Variants in COL4A2 observed in about 807,000 individuals in gnomAD.
The protein encoded by COL4A2 is collagen type IV alpha 2 chain.
COL4A2 carries 99 observed loss-of-function variants against 200.2 expected under a neutral mutation model. That is an observed-to-expected ratio of 0.49 (90% CI 0.42 to 0.58). The LOEUF is 0.58. Ranked by LOEUF, COL4A2 falls within the 20% of genes least tolerant of loss-of-function variation. COL4A2 has a pLI of 0.00. For synonymous variants in COL4A2, 897 were observed against 900.6 expected (o/e 1.00, Z 0.07); for missense variants, 1,950 against 2,314.1 (o/e 0.84, Z 3.23).
At chr13:110,411,429 A>T (rs568931539) in intron 4 of COL4A2, among the ~76,000 whole-genome samples, 9 of 152,332 alleles carry the variant, frequency 5.9e-5, no homozygotes, top group Admixed American at 1.3e-4. Flanking sequence ...ATTAGCCTGC[A>T]GCTCCAGGGG....
chr13:110,482,292 C>T (rs1020559405), intron 31 of COL4A2, among the ~76,000 whole-genome samples: 1 of 152,234 alleles, frequency 6.6e-6, no homozygotes, highest in Non-Finnish European at 1.5e-5. Context: ...TCCTTGTTGC[C>T]AATGTCCGGT....
chr13:110,413,061 G>A (rs921372615), intron 4 of COL4A2, among the ~76,000 whole-genome samples: 2 of 152,154 alleles, frequency 1.3e-5, no homozygotes, highest in Non-Finnish European at 2.9e-5. Flanking sequence ...GTGACTGAAG[G>A]AATTGAATGG....
At chr13:110,372,120 A>G (rs998343444) in intron 4 of COL4A2, among the ~76,000 whole-genome samples, 1 of 152,156 alleles carries the variant, frequency 6.6e-6, no homozygotes, top group Admixed American at 6.5e-5. Context: ...TGAAGCATGA[A>G]CAACTGGGTA....
chr13:110,422,923 G>T (rs574747644), intron 4 of COL4A2, among the ~76,000 whole-genome samples: 2 of 152,272 alleles, frequency 1.3e-5, no homozygotes, highest in East Asian at 3.9e-4. Context: ...CAACTGTGTG[G>T]ATTGCTGAGA....
chr13:110,421,845 G>T (rs1880263502), intron 4 of COL4A2, among the ~76,000 whole-genome samples: 1 of 152,230 alleles, frequency 6.6e-6, no homozygotes, highest in Non-Finnish European at 1.5e-5. Flanking sequence ...TACTGACAGT[G>T]AAAGGAAAAT....
chr13:110,507,931 A>G lies in COL4A2; in HGVS notation c.4595-4A>G, dbSNP rs1290466291. ...CTGTGATCTCATGACCCCTCCTTCCACAGGGCTGGCGGGCTCCTGCCTGGC... is the reference window on the plus strand; with the variant it reads ...CTGTGATCTCATGACCCCTCCTTCCGCAGGGCTGGCGGGCTCCTGCCTGGC... On this transcript the variant is annotated splice_polypyrimidine_tract_variant and splice_region_variant and intron_variant, in intron 46 of 47. Coordinates refer to ENST00000360467, the MANE Select transcript of COL4A2 (RefSeq NM_001846.4). The G allele has an allele frequency of 1.2e-6, 2 of 1,612,462 alleles. No individual in the cohort carries two copies. Among genetic ancestry groups the G allele is most frequent in the Middle Eastern group, 1.7e-4 (1 of 6,036 alleles).
rs1019020757 is a variant in COL4A2, at chr13:110,508,466, G to C, written c.4881+245G>C. 8.7e-5 allele frequency: 55 copies of C among 630,096 alleles called. No individual in the cohort carries two copies. The African/African-American group carries it at 9.5e-4, about 11-fold the overall frequency. 39.0% of individuals were successfully genotyped at this position (630,096 alleles called of 1,614,324 possible). A position where few individuals can be genotyped will look rare whatever the true frequency, so the allele number is the denominator to read the frequency against. On this transcript the variant is annotated intron_variant, in intron 47 of 47. Coordinates refer to ENST00000360467, the MANE Select transcript of COL4A2 (RefSeq NM_001846.4). This position sits in a 1 kb window ranked among gnomAD's most constrained non-coding sequence, Gnocchi z 6.1. ...TAATTTGCCACCAGGCCTTTGTAAGGAGTGTAACCAGGACGAACTTGCCTG... is the reference window on the plus strand; with the variant it reads ...TAATTTGCCACCAGGCCTTTGTAAGCAGTGTAACCAGGACGAACTTGCCTG...
At chr13:110,331,591 G>A (rs9588141) in intron 3 of COL4A2, among the ~76,000 whole-genome samples, 2 of 152,086 alleles carry the variant, frequency 1.3e-5, no homozygotes, top group Admixed American at 1.3e-4. Context: ...ACAGACCGCC[G>A]GCAGCTCTTG....
intron 29 of COL4A2, among the ~76,000 whole-genome samples, chr13:110,474,076 A>G (rs573949624): frequency 3.3e-5 from 5 of 152,242 alleles, no homozygotes; most frequent in Non-Finnish European, 2.9e-5. Flanking sequence ...GCAGTGAGCT[A>G]TGATCATTCC....
intron 13 of COL4A2, among the ~76,000 whole-genome samples, chr13:110,437,250 A>G (rs1880925132): frequency 6.6e-6 from 1 of 152,150 alleles, no homozygotes; most frequent in South Asian, 2.1e-4. Context: ...CGTTGACAAA[A>G]ATGTCCTGGG....
intron 40 of COL4A2, among the ~76,000 whole-genome samples, chr13:110,499,107 A>G (rs1883555169): frequency 6.6e-6 from 1 of 152,252 alleles, no homozygotes; most frequent in Non-Finnish European, 1.5e-5. Context: ...ACTGATCATA[A>G]TGTCATTCAG....
chr13:110,309,923 C>T (rs1256175786), intron 3 of COL4A2, among the ~76,000 whole-genome samples: 3 of 152,020 alleles, frequency 2.0e-5, no homozygotes, highest in East Asian at 1.9e-4. Flanking sequence ...CCCAGGAGGC[C>T]GAGGTTGCAG....
At chr13:110,426,658 A>G (rs1880480965) in intron 6 of COL4A2, among the ~76,000 whole-genome samples, 1 of 152,212 alleles carries the variant, frequency 6.6e-6, no homozygotes, top group Non-Finnish European at 1.5e-5. Context: ...GCTCAATATA[A>G]CTGAAATTTT....
intron 3 of COL4A2, among the ~76,000 whole-genome samples, chr13:110,323,496 G>A (rs1158276798): frequency 2.0e-5 from 3 of 152,254 alleles, no homozygotes; most frequent in East Asian, 3.8e-4. Context: ...AAAACCTGGA[G>A]CTGAAGAGAA....
intron 3 of COL4A2, among the ~76,000 whole-genome samples, chr13:110,348,171 A>C (rs559937281): frequency 6.6e-6 from 1 of 152,232 alleles, no homozygotes; most frequent in East Asian, 1.9e-4. Flanking sequence ...ACGCAGTCAT[A>C]ACTGCTGGCA....
chr13:110,427,436 C>T (rs1880510535), intron 6 of COL4A2, among the ~76,000 whole-genome samples: 1 of 152,200 alleles, frequency 6.6e-6, no homozygotes, highest in Admixed American at 6.5e-5. Context: ...AGGTATGAGC[C>T]ACTGCGCCCA....
In COL4A2 at chr13:110,489,507, C is replaced by T. The variant is rs762951574; in HGVS notation, c.3270C>T (p.Phe1090=). 38 of 1,614,044 alleles carry T rather than the reference C, an allele frequency of 2.4e-5. No individual in the cohort carries two copies. The highest frequency in any genetic ancestry group is 3.3e-4 in the Middle Eastern group (2 of 6,084). Residue 1090 remains phenylalanine, a splice_region_variant and synonymous_variant, in exon 35 of 48, where the codon TTC becomes TTT. Transcript: ENST00000360467. ...GCGAGATTGGCGCGACTGGTGATTTCGGTGAGTGTTGCCCGTCCAGTGAAA... is the reference window on the plus strand; with the variant it reads ...GCGAGATTGGCGCGACTGGTGATTTTGGTGAGTGTTGCCCGTCCAGTGAAA... ...LYGEIGATGD[F]GDIGDTINLP...
intron 4 of COL4A2, among the ~76,000 whole-genome samples, chr13:110,417,170 A>G (rs1266485021): frequency 1.3e-5 from 2 of 152,100 alleles, no homozygotes; most frequent in Non-Finnish European, 2.9e-5. Context: ...TAGTAGAGGC[A>G]AGGTTTCACC....
rs1198676957 is a variant in COL4A2, at chr13:110,439,792, T to C, written c.916T>C (p.Tyr306His). The change falls in exon 16 of 48, where the codon TAC becomes CAC. Residue 306 changes from tyrosine (Y) to histidine (H), a missense_variant. Transcript: ENST00000360467. ...GIMGFPGLRG[Y>H]PGLSGEKGSP... ...TTCTGTTTTTTGTTCATTCCAGGGT[T>C]ACCCTGGCTTGAGTGGTGAAAAAGG... The C allele has an allele frequency of 1.9e-6, 3 of 1,614,070 alleles. No individual in the cohort carries two copies. The Admixed American group carries it at 5.0e-5, about 27-fold the overall frequency.
Sources: gnomAD v4.1 joint callset for allele counts (sites outside exome capture counted in the v4.1 genomes callset) on GRCh38, gnomAD v4.1.1 for gene constraint, Gnocchi (gnomAD v3.1) non-coding constraint, MANE v1.5 for transcripts, NCBI Gene and HGNC (gene_info 2026-07-23, HGNC 2026-07-21) for gene names.